The following WASF3 variants were observed in gnomAD, a reference collection of about 807,000 sequenced individuals.
WASF3 encodes the protein WASP family member 3, also known as actin-binding protein WASF3.
WASF3 carries 11 observed loss-of-function variants against 46.6 expected under a neutral mutation model. The observed-to-expected ratio is 0.24, with a 90% CI of 0.15 to 0.39. The LOEUF is 0.39. Ranked by LOEUF, WASF3 falls within the 10% of genes least tolerant of loss-of-function variation. The pLI is 1.00. For missense variants in WASF3, 576 were observed against 669.8 expected, an observed-to-expected ratio of 0.86 and a Z score of 1.55; for synonymous variants, 242 against 259.7, an observed-to-expected ratio of 0.93 and a Z score of 0.65.
chr13:26,557,468 T>C (rs1879125525), upstream of WASF3, among the ~76,000 whole-genome samples: 1 of 151,924 alleles, frequency 6.6e-6, no homozygotes, highest in South Asian at 2.1e-4. Context: ...CATCCCGAGC[T>C]GGGGGCGGAG....
chr13:26,610,208 T>A (rs1358367869), intron 1 of WASF3, among the ~76,000 whole-genome samples: 2 of 152,218 alleles, frequency 1.3e-5, no homozygotes, highest in African/African-American at 2.4e-5. Context: ...TAAAGAATCC[T>A]CCCTTGTCTT....
At chr13:26,680,041 A>G in intron 7 of WASF3, 1 of 1,596,630 alleles carries the variant, frequency 6.3e-7, no homozygotes, top group Non-Finnish European at 8.5e-7. Context: ...TCAGAGAGAG[A>G]AACACAAGCT....
intron 7 of WASF3, chr13:26,680,069 A>G (rs1883180271): frequency 6.3e-7 from 1 of 1,597,730 alleles, no homozygotes; most frequent in African/African-American, 1.3e-5. Context: ...AACAGAAACC[A>G]GCAAGTAAAT....
At position 26,571,577 on chromosome 13, in the gene WASF3, C is replaced by G. The variant is rs569470482; in HGVS notation, c.-109+13758C>G. 7.9e-5 allele frequency among the ~76,000 whole-genome samples: 12 copies of G among 152,288 alleles called. No individual in the cohort carries two copies. In the South Asian group the frequency reaches 2.3e-3, roughly 29 times the overall value. ...GTAGCTGGGTCTATTTTTGGGCGTT[C>G]CATTCCATTCTGTTGTTCTGTCTGT... is the stretch of plus-strand genomic sequence containing the variant. On this transcript the variant is annotated intron_variant, in intron 1 of 9. Transcript: ENST00000335327.
chr13:26,587,415 C>A (rs772449259), intron 1 of WASF3, among the ~76,000 whole-genome samples: 2 of 151,918 alleles, frequency 1.3e-5, no homozygotes, highest in Non-Finnish European at 2.9e-5. Flanking sequence ...TTGGCAAGAT[C>A]ATTTGTCTGT....
chr13:26,685,799 ACT>A lies in WASF3; in HGVS notation c.1466_1467del (p.Ser489Ter). The A allele has an allele frequency of 6.2e-7, 1 of 1,613,958 alleles. No homozygotes were observed. Among genetic ancestry groups the A allele is most frequent in the African/African-American group, 1.3e-5 (1 of 74,992 alleles). On this transcript the variant is annotated frameshift_variant, in exon 10 of 10. Coordinates refer to ENST00000335327, the MANE Select transcript of WASF3 (RefSeq NM_006646.6). LOFTEE classifies it high-confidence loss of function. Reference sequence around the variant, plus strand: ...CGGCGCATTGCCGTGGAGTACAGCGACTCTGACGACGACTCAGAGTTCGACGA... The same window carrying A: ...CGGCGCATTGCCGTGGAGTACAGCGACTGACGACGACTCAGAGTTCGACGA...
chr13:26,560,106 A>C (rs1454002771), intron 1 of WASF3, among the ~76,000 whole-genome samples: 1 of 151,928 alleles, frequency 6.6e-6, no homozygotes, highest in Admixed American at 6.6e-5. Flanking sequence ...GGCGTGAGCC[A>C]CCGCTCCCGG....
rs73166078 is a variant in WASF3 at position 26,607,359 on chromosome 13, C to T, written c.-108-5602C>T. Among the ~76,000 whole-genome samples the T allele has an allele frequency of 9.0e-3, 1,368 of 152,238 alleles. 11 individuals carry two copies. The highest frequency in any genetic ancestry group is 0.017 in the Middle Eastern group (5 of 294). On this transcript the variant is annotated intron_variant, in intron 1 of 9. Coordinates refer to ENST00000335327, the MANE Select transcript of WASF3 (RefSeq NM_006646.6). ...TTTATTTGTGATTCTAGCATTGAAT[C>T]GTACCTCATTCTGTAAAACAGGATG...
intron 1 of WASF3, among the ~76,000 whole-genome samples, chr13:26,575,861 C>T (rs996494924): frequency 3.3e-5 from 5 of 152,050 alleles, no homozygotes; most frequent in Admixed American, 2.0e-4. Flanking sequence ...ATGGAGGCCT[C>T]GAAGATATCT....
upstream of WASF3, among the ~76,000 whole-genome samples, chr13:26,553,323 G>A (rs183076661): frequency 6.6e-6 from 1 of 152,220 alleles, no homozygotes; most frequent in African/African-American, 2.4e-5. Flanking sequence ...AATATTTACA[G>A]AGAAAAAGTT....
chr13:26,575,060 T>C (rs1246089451), intron 1 of WASF3, among the ~76,000 whole-genome samples: 1 of 152,112 alleles, frequency 6.6e-6, no homozygotes, highest in Non-Finnish European at 1.5e-5. Flanking sequence ...ATGGTCTCGA[T>C]CTCCTGACCT....
At chr13:26,613,835 G>T (rs1246822204) in intron 2 of WASF3, among the ~76,000 whole-genome samples, 1 of 152,156 alleles carries the variant, frequency 6.6e-6, no homozygotes, top group African/African-American at 2.4e-5. Context: ...GAACTGAGGT[G>T]GTGGTGATCG....
intron 1 of WASF3, among the ~76,000 whole-genome samples, chr13:26,587,822 A>G (rs928206878): frequency 1.3e-5 from 2 of 152,328 alleles, no homozygotes; most frequent in African/African-American, 4.8e-5. Context: ...ATTGGTCTTC[A>G]TCTGTTGGTG....
chr13:26,663,638 G>C (rs1566067530), intron 3 of WASF3, among the ~76,000 whole-genome samples: 1 of 152,150 alleles, frequency 6.6e-6, no homozygotes, highest in South Asian at 2.1e-4. Context: ...AATTCTTCTT[G>C]TTAAAACAGT....
At chr13:26,620,724 GA>G (rs1361097695) in intron 2 of WASF3, 1 of 152,164 alleles carries the variant, frequency 6.6e-6, no homozygotes, top group African/African-American at 2.4e-5. Context: ...AGCTAATGGT[GA>G]AAACCCTGGT....
At chr13:26,647,393 T>G (rs1882182422) in intron 3 of WASF3, among the ~76,000 whole-genome samples, 1 of 152,162 alleles carries the variant, frequency 6.6e-6, no homozygotes, top group African/African-American at 2.4e-5. Context: ...CTAGGGAATT[T>G]TGATTTTTTT....
the WASF3 span, among the ~76,000 whole-genome samples, chr13:26,546,443 T>C: frequency 6.6e-6 from 1 of 152,224 alleles, no homozygotes; most frequent in Non-Finnish European, 1.5e-5. Context: ...GGCTCACGCC[T>C]GCAAATCCCA....
Position 26,615,370 on chromosome 13 carries a change from A to G in WASF3, c.-11+2312A>G, listed in dbSNP as rs528985373. 1.6e-4 allele frequency among the ~76,000 whole-genome samples: 24 copies of G among 152,160 alleles called. No homozygotes were observed. In the East Asian group the frequency reaches 4.7e-3, roughly 29 times the overall value. On this transcript the variant is annotated intron_variant, in intron 2 of 9. Transcript: ENST00000335327. Reference sequence around the variant, plus strand: ...TGTCACCAGGCTGGCAGGCAGTGGTATAATCTCGGCTCACTGCAACCTCTG... The same window carrying G: ...TGTCACCAGGCTGGCAGGCAGTGGTGTAATCTCGGCTCACTGCAACCTCTG...
chr13:26,565,423 C>T (rs1879434114), intron 1 of WASF3, among the ~76,000 whole-genome samples: 2 of 152,032 alleles, frequency 1.3e-5, no homozygotes, highest in Admixed American at 1.3e-4. Flanking sequence ...AAAGTAAGAT[C>T]TTAACTTTGG....
Sources: gnomAD v4.1 joint callset for allele counts (sites outside exome capture counted in the v4.1 genomes callset) on GRCh38, gnomAD v4.1.1 for gene constraint, MANE v1.5 for transcripts, NCBI Gene and HGNC (gene_info 2026-07-23, HGNC 2026-07-21) for gene names.